Variants in NDE1 observed in about 807,000 individuals in gnomAD.
NDE1 encodes the protein nuclear distribution protein nudE homolog 1.
NDE1 carries 28 observed loss-of-function variants against 43.4 expected under a neutral mutation model. The ratio of observed to expected loss-of-function variants is 0.65; its 90% CI spans 0.48 to 0.89. The LOEUF is 0.89. NDE1 is among the 40% of genes least tolerant of loss of function. The pLI is 0.00. For missense variants in NDE1, 441 were observed against 434.1 expected (o/e 1.02, Z -0.14); for synonymous variants, 184 against 172.0 (o/e 1.07, Z -0.55).
chr16:15,717,058 G>T, intron 8 of NDE1: 2 of 1,433,546 alleles, frequency 1.4e-6, no homozygotes, highest in Non-Finnish European at 9.8e-7. Flanking sequence ...ACTGATGCTG[G>T]AAGAGGTTCC....
chr16:15,658,868 G>A (rs2036901274), intron 1 of NDE1, among the ~76,000 whole-genome samples: 2 of 152,070 alleles, frequency 1.3e-5, no homozygotes, highest in African/African-American at 4.8e-5. Flanking sequence ...TGTTGGCCAA[G>A]CTTGTCTTGA....
At chr16:15,666,993 C>G (rs933383021) in intron 2 of NDE1, among the ~76,000 whole-genome samples, 2 of 152,164 alleles carry the variant, frequency 1.3e-5, no homozygotes, top group African/African-American at 4.8e-5. Flanking sequence ...CGCCTGTAAT[C>G]CCAGCACTTT....
chr16:15,723,765 A>G (rs957324561), intron 8 of NDE1, among the ~76,000 whole-genome samples: 39 of 152,214 alleles, frequency 2.6e-4, no homozygotes, highest in Admixed American at 1.0e-3. Flanking sequence ...AATTTTACAG[A>G]ATGAAATCTT....
At chr16:15,711,665 G>A (rs1014754769) in intron 8 of NDE1, among the ~76,000 whole-genome samples, 1 of 152,094 alleles carries the variant, frequency 6.6e-6, no homozygotes, top group Non-Finnish European at 1.5e-5. Context: ...AGGGATAAAG[G>A]TTCACTCTGC....
rs781223459 is a variant in NDE1, at chr16:15,663,814, A to C, written c.-43-922A>C. 6.4e-3 allele frequency among the ~76,000 whole-genome samples: 976 copies of C among 152,052 alleles called. 22 individuals are homozygous for C. The East Asian group carries it at 0.07, about 11-fold the overall frequency. ...GGGTGCGGTGGTTCACGCCTGTAATACCAGCACTTTGGGAGGCTGAGGTGG... is the reference window on the plus strand; with the variant it reads ...GGGTGCGGTGGTTCACGCCTGTAATCCCAGCACTTTGGGAGGCTGAGGTGG... On this transcript the variant is annotated intron_variant, in intron 1 of 8. Transcript: ENST00000396354.
intron 1 of NDE1, among the ~76,000 whole-genome samples, chr16:15,662,356 C>T (rs138982863): frequency 0.032 from 4,711 of 147,828 alleles, 252 homozygotes; most frequent in African/African-American, 0.11. Flanking sequence ...GATCTCGGCT[C>T]ACTGCAAGCT....
At chr16:15,721,215 C>A in intron 8 of NDE1, 1 of 961,946 alleles carries the variant, frequency 1.0e-6, no homozygotes, top group South Asian at 1.5e-5. Flanking sequence ...AGACCCCAGC[C>A]TTATCCTCGG....
chr16:15,649,177 C>A (rs1473091201), upstream of NDE1, among the ~76,000 whole-genome samples: 2 of 152,176 alleles, frequency 1.3e-5, no homozygotes, highest in Non-Finnish European at 2.9e-5. Flanking sequence ...GCCTGGGAGA[C>A]AGAGGGAGAT....
chr16:15,678,078 C>A, intron 4 of NDE1, 129 bp downstream of exon 4: 1 of 1,235,894 alleles, frequency 8.1e-7, no homozygotes, highest in Non-Finnish European at 1.2e-6. Context: ...CAGTGCCCTT[C>A]TGGATTTTAG....
At chr16:15,713,838 A>AG (rs1012592597) in intron 8 of NDE1, 3 of 152,616 alleles carry the variant, frequency 2.0e-5, no homozygotes, top group African/African-American at 7.2e-5. Flanking sequence ...GCAATGCAAG[A>AG]GGGGGAACCG....
intron 1 of NDE1, 61 bp downstream of exon 1, chr16:15,650,355 C>T: frequency 9.0e-6 from 2 of 222,962 alleles, no homozygotes; most frequent in South Asian, 7.9e-5. Context: ...TCCACCGCGG[C>T]TGAAAAGCTC....
chr16:15,693,269 C>T (rs191794176), intron 6 of NDE1, among the ~76,000 whole-genome samples: 2 of 152,258 alleles, frequency 1.3e-5, no homozygotes, highest in Admixed American at 1.3e-4. Flanking sequence ...CCTCTGAAAG[C>T]ACTGGGATTA....
At chr16:15,714,769 TAAG>T (rs750620258) in intron 8 of NDE1, 6 of 1,109,964 alleles carry the variant, frequency 5.4e-6, no homozygotes, top group Non-Finnish European at 8.0e-6. Flanking sequence ...GCTTAGTGAT[TAAG>T]GAGAAGCAGG....
chr16:15,691,643 T>C (rs2038759797), intron 6 of NDE1, among the ~76,000 whole-genome samples: 1 of 80,920 alleles, frequency 1.2e-5, no homozygotes, highest in Non-Finnish European at 2.3e-5. Flanking sequence ...TTTTTTTTTG[T>C]TGGGTTTTTT....
intron 8 of NDE1, among the ~76,000 whole-genome samples, chr16:15,722,110 C>T (rs1296081420): frequency 1.6e-4 from 25 of 152,112 alleles, no homozygotes; most frequent in Non-Finnish European, 3.2e-4. Context: ...CCTCCTGCCT[C>T]GGCCTCCCAA....
rs140956234 is a variant in NDE1, at chr16:15,719,594, C to T, written c.948-4597C>T. The T allele has an allele frequency of 6.2e-7, 1 of 1,614,072 alleles. No individual in the cohort carries two copies. The highest frequency in any genetic ancestry group is 1.3e-5 in the African/African-American group (1 of 74,942). ...CAAGGCGAGGCTTTACCTCTTGTAGCTGCATGAGGTCTGCTTCCAAGCTCT... is the reference window on the plus strand; with the variant it reads ...CAAGGCGAGGCTTTACCTCTTGTAGTTGCATGAGGTCTGCTTCCAAGCTCT... On this transcript the variant is annotated intron_variant, in intron 8 of 8. Transcript: ENST00000396354.
At chr16:15,681,937 T>C (rs1204593864) in intron 4 of NDE1, among the ~76,000 whole-genome samples, 2 of 152,128 alleles carry the variant, frequency 1.3e-5, no homozygotes, top group South Asian at 2.1e-4. Flanking sequence ...TGGTATTTGA[T>C]TTTTTTGTAG....
rs2040044275 is a variant in NDE1 at position 15,715,051 on chromosome 16, G to A, written c.948-9140G>A. On this transcript the variant is annotated intron_variant, in intron 8 of 8. Coordinates refer to ENST00000396354, the MANE Select transcript of NDE1 (RefSeq NM_017668.3). ...TCTGCCTCCTCCAGCTGCCTCTTGA[G>A]CTGCTTGACCCTGGCATTGCCTTTC... The A allele has an allele frequency of 6.2e-7, 1 of 1,613,616 alleles. No homozygotes were observed. The highest frequency in any genetic ancestry group is 8.5e-7 in the Non-Finnish European group (1 of 1,180,016).
chr16:15,694,074 C>T, intron 6 of NDE1, 91 bp from the exon 7 acceptor site: 1 of 1,456,186 alleles, frequency 6.9e-7, no homozygotes. Context: ...GTCAGTGTCC[C>T]TCCTGTCCCG....
Sources: gnomAD v4.1 joint callset for allele counts (sites outside exome capture counted in the v4.1 genomes callset) on GRCh38, gnomAD v4.1.1 for gene constraint, MANE v1.5 for transcripts, NCBI Gene and HGNC (gene_info 2026-07-23, HGNC 2026-07-21) for gene names.